Variants in ADAMTS20 observed in about 807,000 individuals in gnomAD.
ADAMTS20 encodes the protein A disintegrin and metalloproteinase with thrombospondin motifs 20.
ADAMTS20 carries 225 observed loss-of-function variants against 260.1 expected under a neutral mutation model. That is an observed-to-expected ratio of 0.87 (90% confidence interval 0.78 to 0.97). The LOEUF (loss-of-function observed/expected upper bound fraction) is 0.97. ADAMTS20 is among the 50% of genes least tolerant of loss of function. The probability of loss-of-function intolerance (pLI) is 0.00; values close to 1 mark genes in which losing one functional copy is unlikely to be tolerated. For synonymous variants in ADAMTS20, 802 were observed against 769.5 expected (o/e 1.04, Z -0.70); for missense variants, 2,400 against 2,337.7 (o/e 1.03, Z -0.55).
chr12:43,452,046 G>A (rs1006842484), intron 14 of ADAMTS20, among the ~76,000 whole-genome samples: 2 of 151,992 alleles, frequency 1.3e-5, no homozygotes, highest in African/African-American at 4.8e-5. Flanking sequence ...ACCACAGAAA[G>A]TCATCAAATT....
chr12:43,545,105 G>A (rs1320632142), intron 2 of ADAMTS20, among the ~76,000 whole-genome samples: 1 of 152,104 alleles, frequency 6.6e-6, no homozygotes, highest in Non-Finnish European at 1.5e-5. Context: ...ACGGTCCATA[G>A]GTACCCACTC....
chr12:43,471,009 C>T (rs534483216), intron 7 of ADAMTS20, among the ~76,000 whole-genome samples: 12 of 152,262 alleles, frequency 7.9e-5, no homozygotes, highest in African/African-American at 1.7e-4. Context: ...GGAACAGCTC[C>T]GGTCTACAGC....
Position 43,432,620 on chromosome 12 carries a change from T to C in ADAMTS20, c.2912A>G (p.His971Arg). The change falls in exon 20 of 39, where the codon CAT becomes CGT. Residue 971 changes from histidine to arginine, a missense_variant. By Grantham distance (29) the His-to-Arg change is conservative (BLOSUM62 0). Coordinates refer to ENST00000389420, the MANE Select transcript of ADAMTS20 (RefSeq NM_025003.5). ...CHGNCVFTRW[H>R]YSEWSQCSRS... ...TTGTACCTGAGACCATTCTGAATAA[T>C]GCCATCTTGTGAAGACACAGTTACC... 1 of 1,613,952 alleles carries C rather than the reference T, an allele frequency of 6.2e-7. No individual in the cohort carries two copies. Among genetic ancestry groups the C allele is most frequent in the Non-Finnish European group, 8.5e-7 (1 of 1,179,856 alleles).
intron 16 of ADAMTS20, among the ~76,000 whole-genome samples, chr12:43,443,093 A>G (rs888150798): frequency 2.0e-5 from 3 of 152,220 alleles, no homozygotes; most frequent in African/African-American, 7.2e-5. Context: ...TGCTTTCTCA[A>G]TATCAGCTCT....
intron 3 of ADAMTS20, among the ~76,000 whole-genome samples, chr12:43,512,045 T>G (rs895602831): frequency 2.6e-5 from 4 of 151,892 alleles, no homozygotes; most frequent in African/African-American, 4.8e-5. Flanking sequence ...AATACTATTA[T>G]CAATAACAAT....
intron 4 of ADAMTS20, among the ~76,000 whole-genome samples, chr12:43,498,900 T>A (rs1942714950): frequency 6.6e-6 from 1 of 152,108 alleles, no homozygotes; most frequent in African/African-American, 2.4e-5. Context: ...ACCTTTAATA[T>A]TTTTGCAACC....
At chr12:43,541,616 C>G (rs1335532278) in intron 2 of ADAMTS20, among the ~76,000 whole-genome samples, 1 of 152,148 alleles carries the variant, frequency 6.6e-6, no homozygotes, top group Non-Finnish European at 1.5e-5. Flanking sequence ...CTCTCTCTGA[C>G]AGTTTCTCCT....
chr12:43,357,177 G>A (rs1939764730), intron 37 of ADAMTS20, among the ~76,000 whole-genome samples: 1 of 152,102 alleles, frequency 6.6e-6, no homozygotes, highest in Non-Finnish European at 1.5e-5. Context: ...AATATTAACT[G>A]AGAAAATGTG....
At chr12:43,483,392 G>T (rs981799125) in intron 7 of ADAMTS20, among the ~76,000 whole-genome samples, 1 of 152,122 alleles carries the variant, frequency 6.6e-6, no homozygotes, top group Non-Finnish European at 1.5e-5. Flanking sequence ...TTCAGCAGAG[G>T]CATAGGTACA....
At chr12:43,466,534 A>G (rs1942155327) in intron 9 of ADAMTS20, 118 bp downstream of exon 9, 1 of 868,456 alleles carries the variant, frequency 1.2e-6, no homozygotes, top group African/African-American at 1.7e-5. Flanking sequence ...TGTACAGTGA[A>G]AGTAAACATA....
intron 18 of ADAMTS20, among the ~76,000 whole-genome samples, chr12:43,435,509 G>C (rs893121966): frequency 3.5e-4 from 53 of 151,520 alleles, no homozygotes; most frequent in Admixed American, 3.9e-4. Context: ...CGTGGTGGTG[G>C]GTGCCTGTAG....
chr12:43,533,238 A>T (rs1943250534), intron 2 of ADAMTS20, among the ~76,000 whole-genome samples: 1 of 132,976 alleles, frequency 7.5e-6, no homozygotes, highest in African/African-American at 2.7e-5. Flanking sequence ...CTTTTTAATG[A>T]TTGCCATTCT....
At chr12:43,430,586 C>A (rs1305352707) in intron 22 of ADAMTS20, 115 bp from the exon 23 acceptor site, 6 of 970,468 alleles carry the variant, frequency 6.2e-6, no homozygotes, top group Non-Finnish European at 2.8e-6. Context: ...TTTTATCAAT[C>A]CTTTATACTA....
intron 7 of ADAMTS20, among the ~76,000 whole-genome samples, chr12:43,488,223 T>C (rs1390249653): frequency 2.0e-5 from 3 of 151,882 alleles, no homozygotes; most frequent in Admixed American, 6.6e-5. Context: ...GGTTATAGAG[T>C]TCAGGTTTAA....
At chr12:43,453,133 T>C (rs1310676454) in intron 12 of ADAMTS20, among the ~76,000 whole-genome samples, 1 of 152,186 alleles carries the variant, frequency 6.6e-6, no homozygotes, top group East Asian at 1.9e-4. Flanking sequence ...TTTTATGGTA[T>C]CAATCTATAT....
intron 11 of ADAMTS20, 137 bp from the exon 12 acceptor site, chr12:43,454,189 A>G: frequency 1.0e-6 from 1 of 957,334 alleles, no homozygotes; most frequent in East Asian, 2.8e-5. Flanking sequence ...TTCAGATTAC[A>G]TTTGAAATGA....
At chr12:43,432,840 AG>A (rs1941476533) in intron 19 of ADAMTS20, 29 bp from the exon 20 acceptor site, 5 of 1,547,164 alleles carry the variant, frequency 3.2e-6, no homozygotes, top group Non-Finnish European at 4.5e-6. Context: ...TATACTTAGG[AG>A]GTATATTACA....
rs369190629 is a variant in ADAMTS20, at chr12:43,378,128, C to A, written c.4798-566G>T. On this transcript the variant is annotated intron_variant, in intron 31 of 38. Coordinates refer to ENST00000389420, the MANE Select transcript of ADAMTS20 (RefSeq NM_025003.5). ...AATAGATTTACCTTCTAACTTTAAA[C>A]AACTAAAACATCTGAACAAAATATA... is the stretch of plus-strand genomic sequence containing the variant. Among the ~76,000 whole-genome samples, 38 of 152,284 alleles carry A rather than the reference C, an allele frequency of 2.5e-4. No individual in the cohort carries two copies. In the East Asian group the frequency reaches 6.4e-3, roughly 25 times the overall value.
rs1941882476 is a variant in ADAMTS20, at chr12:43,452,411, C to G, written c.1943-1G>C. The G allele has an allele frequency of 6.2e-7, 1 of 1,606,390 alleles. No individual in the cohort carries two copies. Among genetic ancestry groups the G allele is most frequent in the Admixed American group, 1.7e-5 (1 of 58,186 alleles). On this transcript the variant is annotated splice_acceptor_variant, in intron 13 of 38. Coordinates refer to ENST00000389420, the MANE Select transcript of ADAMTS20 (RefSeq NM_025003.5). LOFTEE classifies it high-confidence loss of function. ...AGTTTACAACGATCCTTTGTGCCAA[C>G]TGTAAAAAAGAAAAAGGTCAAATTT...
Sources: allele counts gnomAD v4.1 joint callset (sites outside exome capture counted in the v4.1 genomes callset), GRCh38; gene constraint gnomAD v4.1.1; transcripts MANE v1.5; gene names NCBI Gene and HGNC (gene_info 2026-07-23, HGNC 2026-07-21).